ANKRD44: variants seen among roughly 807,000 people sequenced by gnomAD.
ANKRD44 encodes ankyrin repeat domain 44.
ANKRD44 carries 35 observed loss-of-function variants against 116.0 expected under a neutral mutation model. The ratio of observed to expected loss-of-function variants is 0.30; its 90% CI spans 0.23 to 0.40. The LOEUF (loss-of-function observed/expected upper bound fraction) is 0.40, where lower values mean the gene tolerates loss of function less well. Among genes scored for constraint, ANKRD44 ranks in the 10% least tolerant of loss-of-function variants. The pLI is 1.00. For missense variants in ANKRD44, 1,014 were observed against 1,242.6 expected (o/e 0.82, Z 2.77); for synonymous variants, 435 against 461.8 (o/e 0.94, Z 0.74).
intron 1 of ANKRD44, among the ~76,000 whole-genome samples, chr2:197,194,694 T>C (rs1223248724): frequency 2.0e-5 from 3 of 152,210 alleles, no homozygotes; most frequent in Non-Finnish European, 2.9e-5. Context: ...TCTATACGTA[T>C]GCATATATAT....
In ANKRD44 at chr2:197,306,141, G is replaced by A. The variant is rs764550976; in HGVS notation, c.27+4437C>T. Among the ~76,000 whole-genome samples, 88 of 152,186 alleles carry A rather than the reference G, an allele frequency of 5.8e-4. 1 individual carries two copies. Among genetic ancestry groups the A allele is most frequent in the Middle Eastern group, 3.4e-3 (1 of 294 alleles). ...AGAAATGGGTCTGGCCCAAGAGGCA[G>A]AAGGAGTTCAGGGAACGCTGTTCAT... On this transcript the variant is annotated intron_variant, in intron 1 of 27. Coordinates refer to ENST00000282272, the MANE Select transcript of ANKRD44 (RefSeq NM_001195144.2).
Position 196,987,345 on chromosome 2 carries a change from C to T in ANKRD44, c.*2246G>A, listed in dbSNP as rs950998903. On this transcript the variant is annotated 3_prime_UTR_variant, in exon 28 of 28. Coordinates refer to ENST00000282272, the MANE Select transcript of ANKRD44 (RefSeq NM_001195144.2). ...AGTTGAAATGAAAACTCACTGGTAT[C>T]ATATTGCTCTGATAACACTCAAATG... 2.2e-5 allele frequency: 22 copies of T among 985,034 alleles called. No individual in the cohort carries two copies. Among genetic ancestry groups the T allele is most frequent in the Non-Finnish European group, 2.4e-5 (20 of 829,720 alleles). 61.0% of individuals were successfully genotyped at this position (985,034 alleles called of 1,614,324 possible). A position where few individuals can be genotyped will look rare whatever the true frequency, so the allele number is the denominator to read the frequency against.
At chr2:196,982,942 C>T (rs1363993261), downstream of ANKRD44, among the ~76,000 whole-genome samples, 1 of 152,130 alleles carries the variant, frequency 6.6e-6, no homozygotes, top group Non-Finnish European at 1.5e-5. Flanking sequence ...AAATCAAACA[C>T]CACATGTTCT....
intron 1 of ANKRD44, among the ~76,000 whole-genome samples, chr2:197,205,873 C>G (rs1443499541): frequency 6.6e-6 from 1 of 152,116 alleles, no homozygotes; most frequent in Non-Finnish European, 1.5e-5. Context: ...GGTGTAACAT[C>G]TACAGAGACC....
intron 27 of ANKRD44, among the ~76,000 whole-genome samples, chr2:196,993,213 T>C (rs573090942): frequency 1.5e-4 from 23 of 152,348 alleles, no homozygotes; most frequent in Non-Finnish European, 2.9e-4. Flanking sequence ...GGTTTTTATT[T>C]GAGCCCTTGA....
chr2:197,084,182 T>C (rs1184284891), intron 13 of ANKRD44, among the ~76,000 whole-genome samples: 1 of 152,192 alleles, frequency 6.6e-6, no homozygotes, highest in African/African-American at 2.4e-5. Context: ...TCTCCTTTGA[T>C]GGGGTATCTC....
At chr2:197,171,267 C>T (rs1028076753) in intron 2 of ANKRD44, among the ~76,000 whole-genome samples, 5 of 152,050 alleles carry the variant, frequency 3.3e-5, no homozygotes, top group Non-Finnish European at 7.4e-5. Flanking sequence ...AGGAAGCTGG[C>T]GATCAACAAG....
intron 19 of ANKRD44, 46 bp from the exon 20 acceptor site, chr2:197,007,969 A>G (rs531866944): frequency 2.3e-6 from 3 of 1,293,556 alleles, no homozygotes; most frequent in Non-Finnish European, 2.2e-6. Context: ...GATTTAAAAA[A>G]ATATTCATCA....
chr2:197,139,067 A>C (rs994604730), intron 3 of ANKRD44, among the ~76,000 whole-genome samples: 5 of 152,164 alleles, frequency 3.3e-5, no homozygotes, highest in African/African-American at 1.2e-4. Flanking sequence ...AGGAAAACTT[A>C]ACATACAGCT....
chr2:197,242,112 C>T (rs886567434), intron 1 of ANKRD44, among the ~76,000 whole-genome samples: 9 of 151,974 alleles, frequency 5.9e-5, no homozygotes. Flanking sequence ...TTATTGAATG[C>T]CTTTTATGTG....
intron 16 of ANKRD44, among the ~76,000 whole-genome samples, chr2:197,073,838 T>G (rs2077609482): frequency 6.6e-6 from 1 of 152,192 alleles, no homozygotes; most frequent in Non-Finnish European, 1.5e-5. Flanking sequence ...CACTTTGAAA[T>G]GTGGAGGCAA....
chr2:197,091,694 T>C (rs2078046408), intron 10 of ANKRD44, among the ~76,000 whole-genome samples: 1 of 152,228 alleles, frequency 6.6e-6, no homozygotes, highest in Non-Finnish European at 1.5e-5. Flanking sequence ...ACAAATATTA[T>C]TGTGGTATTA....
chr2:197,087,685 T>C (rs1469717546), intron 12 of ANKRD44, among the ~76,000 whole-genome samples: 1 of 152,162 alleles, frequency 6.6e-6, no homozygotes, highest in Non-Finnish European at 1.5e-5. Context: ...CTTTCAATCA[T>C]AACATGTAAG....
intron 1 of ANKRD44, among the ~76,000 whole-genome samples, chr2:197,205,481 C>T (rs2081185161): frequency 6.6e-6 from 1 of 152,194 alleles, no homozygotes; most frequent in East Asian, 1.9e-4. Context: ...CCCCATTTCC[C>T]TGAGAAAGAA....
chr2:197,013,660 T>G lies in ANKRD44; in HGVS notation c.1775A>C (p.Asp592Ala), dbSNP rs778739851. 21 of 1,613,768 alleles carry G rather than the reference T, an allele frequency of 1.3e-5. No homozygotes were observed. The Admixed American group carries it at 3.2e-4, about 24-fold the overall frequency. ...ALEVLLQSLV[D>A]LDIRDEKGRT... ...GCCTTTCTCATCCCTGATGTCCAGG[T>G]CCACCAACGACTGCAGAAGGACTTC... The change falls in exon 18 of 28, where the codon GAC (aspartate) becomes GCC (alanine). Residue 592 changes from aspartate to alanine, a missense_variant. Transcript: ENST00000282272.
intron 21 of ANKRD44, among the ~76,000 whole-genome samples, chr2:196,974,895 AAAAAAG>A (rs896442442): frequency 6.6e-6 from 1 of 152,076 alleles, no homozygotes; most frequent in African/African-American, 2.4e-5. Flanking sequence ...ATCTCAAAAA[AAAAAAG>A]AAAAAGAAAA....
intron 1 of ANKRD44, among the ~76,000 whole-genome samples, chr2:197,231,384 G>A (rs756250499): frequency 2.6e-5 from 4 of 152,036 alleles, no homozygotes; most frequent in East Asian, 1.9e-4. Context: ...AGCTATGATC[G>A]TGCCACTGTA....
intron 4 of ANKRD44, among the ~76,000 whole-genome samples, chr2:197,127,575 T>C (rs2125348896): frequency 6.6e-6 from 1 of 152,188 alleles, no homozygotes; most frequent in Middle Eastern, 3.4e-3. Context: ...CTGGCAGAAA[T>C]ATACAAGGTA....
At chr2:197,273,976 AAAAAAT>A (rs1559208124) in intron 1 of ANKRD44, among the ~76,000 whole-genome samples, 10 of 53,476 alleles carry the variant, frequency 1.9e-4, no homozygotes, top group African/African-American at 5.9e-4. Flanking sequence ...AAAAAAAAAA[AAAAAAT>A]ATATATATAT....
Sources: gnomAD v4.1 joint callset for allele counts (sites outside exome capture counted in the v4.1 genomes callset) on GRCh38, gnomAD v4.1.1 for gene constraint, MANE v1.5 for transcripts, NCBI Gene and HGNC (gene_info 2026-07-23, HGNC 2026-07-21) for gene names.